The following DPP10 variants were observed in gnomAD, a reference collection of about 807,000 sequenced individuals.
DPP10 encodes dipeptidyl peptidase like 10, also known as inactive dipeptidyl peptidase 10.
Under a neutral mutation model 120.9 loss-of-function variants are expected in DPP10, and 33 were observed. The ratio of observed to expected loss-of-function variants is 0.27; its 90% CI spans 0.21 to 0.37. The LOEUF is 0.37. DPP10 is among the 10% of genes least tolerant of loss of function. DPP10 has a pLI of 1.00. For synonymous variants in DPP10, 337 were observed against 326.1 expected (o/e 1.03, Z -0.36); for missense variants, 816 against 942.8 (o/e 0.87, Z 1.76).
chr2:114,561,862 T>C (rs1688790119), intron 1 of DPP10, among the ~76,000 whole-genome samples: 2 of 152,216 alleles, frequency 1.3e-5, no homozygotes, highest in South Asian at 2.1e-4. Context: ...GAAAACAACA[T>C]TGAACATGAC....
chr2:115,842,982 G>A lies in DPP10; in HGVS notation c.*637G>A, dbSNP rs955347248. 2 of 152,636 alleles carry A rather than the reference G, an allele frequency of 1.3e-5. No homozygotes were observed. The highest frequency in any genetic ancestry group is 4.8e-5 in the African/African-American group (2 of 41,442). 9.5% of individuals were successfully genotyped at this position (152,636 alleles called of 1,614,324 possible). On this transcript the variant is annotated 3_prime_UTR_variant, in exon 26 of 26. Transcript: ENST00000410059. ...AATATCTTTAAATGAACACACGAGTGTATGTCTCACAATATATATACACAA... is the reference window on the plus strand; with the variant it reads ...AATATCTTTAAATGAACACACGAGTATATGTCTCACAATATATATACACAA...
intron 1 of DPP10, among the ~76,000 whole-genome samples, chr2:114,954,664 C>T (rs929772007): frequency 2.0e-5 from 3 of 151,852 alleles, no homozygotes; most frequent in Non-Finnish European, 4.4e-5. Flanking sequence ...AACAATGAAA[C>T]TAAGTGTTTG....
chr2:114,985,171 G>C (rs1700319609), intron 1 of DPP10, among the ~76,000 whole-genome samples: 1 of 151,872 alleles, frequency 6.6e-6, no homozygotes, highest in South Asian at 2.1e-4. Context: ...CAGTTATACT[G>C]TTTCCCCTTC....
intron 2 of DPP10, among the ~76,000 whole-genome samples, chr2:115,328,616 G>C (rs1007352445): frequency 6.6e-6 from 1 of 151,954 alleles, no homozygotes; most frequent in Admixed American, 6.6e-5. Flanking sequence ...TGTTTGTATG[G>C]GTTTTGTGTG....
At chr2:115,536,026 G>A (rs1010791771) in intron 5 of DPP10, among the ~76,000 whole-genome samples, 3 of 151,774 alleles carry the variant, frequency 2.0e-5, no homozygotes, top group African/African-American at 4.8e-5. Context: ...GAGACAATGG[G>A]GTTTTCTAGA....
chr2:114,934,953 A>G (rs1421136347), intron 1 of DPP10, among the ~76,000 whole-genome samples: 2 of 152,194 alleles, frequency 1.3e-5, no homozygotes, highest in Non-Finnish European at 2.9e-5. Context: ...CATCATCATC[A>G]TAATCATATT....
chr2:115,021,663 A>G (rs1703084574), intron 1 of DPP10, among the ~76,000 whole-genome samples: 1 of 152,146 alleles, frequency 6.6e-6, no homozygotes. Flanking sequence ...TCGTTTTATG[A>G]AGCCAGTATC....
chr2:115,840,318 G>GTTTTTTTTTTTTTTTTTTTTT (rs1559227733), intron 24 of DPP10, among the ~76,000 whole-genome samples: 7 of 31,860 alleles, frequency 2.2e-4, no homozygotes, highest in African/African-American at 6.9e-4. Flanking sequence ...AAGGTTTTTT[G>GTTTTTTTTTTTTTTTTTTTTT]GTTTTTTTTT....
intron 1 of DPP10, among the ~76,000 whole-genome samples, chr2:114,890,822 A>G (rs940290081): frequency 6.6e-6 from 1 of 152,124 alleles, no homozygotes; most frequent in African/African-American, 2.4e-5. Context: ...AATATAGCCA[A>G]ATGCTGTCGC....
At chr2:114,586,409 C>G (rs1160695616) in intron 1 of DPP10, among the ~76,000 whole-genome samples, 1 of 152,218 alleles carries the variant, frequency 6.6e-6, no homozygotes, top group Non-Finnish European at 1.5e-5. Context: ...TGCGTCACGT[C>G]TTACTCACTG....
At position 115,441,847 on chromosome 2, in the gene DPP10, C is replaced by T. The variant is rs540131469; in HGVS notation, c.272-57663C>T. On this transcript the variant is annotated intron_variant, in intron 3 of 25. Coordinates refer to ENST00000410059, the MANE Select transcript of DPP10 (RefSeq NM_020868.6). Reference sequence around the variant, plus strand: ...TTTTTTTTTTTTTTTGACAGAGTCTCGCTGTTTCCCCAGGCTGGAGTGCAG... The same window carrying T: ...TTTTTTTTTTTTTTTGACAGAGTCTTGCTGTTTCCCCAGGCTGGAGTGCAG... 2.1e-3 allele frequency among the ~76,000 whole-genome samples: 276 copies of T among 132,364 alleles called. 1 individual carries two copies. The highest frequency in any genetic ancestry group is 3.4e-3 in the Non-Finnish European group (220 of 64,520). The allele number at this position is 132,364 out of a possible 152,430, so 86.8% of individuals were successfully genotyped here.
intron 1 of DPP10, among the ~76,000 whole-genome samples, chr2:115,155,852 T>C (rs1417894824): frequency 6.6e-6 from 1 of 152,216 alleles, no homozygotes; most frequent in Non-Finnish European, 1.5e-5. Flanking sequence ...CACCCTAACA[T>C]CCCTAACAAC....
chr2:114,843,343 A>G (rs1370557839), intron 1 of DPP10, among the ~76,000 whole-genome samples: 1 of 152,140 alleles, frequency 6.6e-6, no homozygotes, highest in Non-Finnish European at 1.5e-5. Context: ...ATGCAGCCTC[A>G]GGAACATTTT....
chr2:115,661,483 T>A (rs2088970934), intron 5 of DPP10, among the ~76,000 whole-genome samples: 1 of 152,200 alleles, frequency 6.6e-6, no homozygotes, highest in South Asian at 2.1e-4. Flanking sequence ...TCACAGGATA[T>A]TTTGTTTTCG....
chr2:114,769,766 A>AAC (rs1681084007), intron 1 of DPP10, among the ~76,000 whole-genome samples: 1 of 152,136 alleles, frequency 6.6e-6, no homozygotes, highest in Non-Finnish European at 1.5e-5. Context: ...GCATGCACAC[A>AAC]ACACACACAC....
chr2:114,808,210 T>A lies in DPP10; in HGVS notation c.60+365372T>A, dbSNP rs181342304. Among the ~76,000 whole-genome samples the A allele has an allele frequency of 7.1e-4, 106 of 148,472 alleles. 1 individual carries two copies. The highest frequency in any genetic ancestry group is 2.7e-3 in the African/African-American group (102 of 37,988). ...ATGGTGGATCCATGGATCCAGCATA[T>A]TTTAAACAACAAAATAGTATTCCAC... On this transcript the variant is annotated intron_variant, in intron 1 of 25. Coordinates refer to ENST00000410059, the MANE Select transcript of DPP10 (RefSeq NM_020868.6).
intron 1 of DPP10, among the ~76,000 whole-genome samples, chr2:114,912,614 G>T (rs947768931): frequency 6.6e-6 from 1 of 152,064 alleles, no homozygotes; most frequent in African/African-American, 2.4e-5. Context: ...GGCATTGAGA[G>T]TGGATAGAAA....
At chr2:115,022,723 A>T (rs1279197880) in intron 1 of DPP10, among the ~76,000 whole-genome samples, 1 of 152,196 alleles carries the variant, frequency 6.6e-6, no homozygotes, top group Non-Finnish European at 1.5e-5. Flanking sequence ...ACAAATCTGG[A>T]GGGATCACAT....
intron 21 of DPP10, among the ~76,000 whole-genome samples, chr2:115,830,420 AT>A (rs935725014): frequency 2.0e-4 from 30 of 151,012 alleles, no homozygotes; most frequent in Middle Eastern, 3.4e-3. Flanking sequence ...TCTTATAAAC[AT>A]TTTTTTTTAG....
Sources: allele counts gnomAD v4.1 joint callset (sites outside exome capture counted in the v4.1 genomes callset), GRCh38; gene constraint gnomAD v4.1.1; transcripts MANE v1.5; gene names NCBI Gene and HGNC (gene_info 2026-07-23, HGNC 2026-07-21).